SHANK2: variants seen among roughly 807,000 people sequenced by gnomAD.
The protein encoded by SHANK2 is SH3 and multiple ankyrin repeat domains protein 2.
In SHANK2, 43 loss-of-function variants were observed where a neutral mutation model predicts 133.7. The observed-to-expected ratio is 0.32, with a 90% CI of 0.25 to 0.41. The LOEUF (loss-of-function observed/expected upper bound fraction) is 0.41. Among genes scored for constraint, SHANK2 ranks in the 10% least tolerant of loss-of-function variants. The pLI is 1.00. For missense variants in SHANK2, 1,994 were observed against 2,235.8 expected, an observed-to-expected ratio of 0.89 and a Z score of 2.18; for synonymous variants, 1,017 against 952.8, an observed-to-expected ratio of 1.07 and a Z score of -1.24.
intron 21 of SHANK2, among the ~76,000 whole-genome samples, chr11:70,496,012 AG>A (rs1347574388): frequency 1.3e-5 from 2 of 152,216 alleles, no homozygotes; most frequent in Non-Finnish European, 2.9e-5. Flanking sequence ...TCAGAGGCTA[AG>A]GTGGCAGCTG....
At chr11:71,057,856 CT>C (rs1311086444) in intron 9 of SHANK2, among the ~76,000 whole-genome samples, 12 of 136,900 alleles carry the variant, frequency 8.8e-5, no homozygotes, top group Non-Finnish European at 1.2e-4. Flanking sequence ...ACCAGAGATT[CT>C]TTTTTTTTTA....
Position 71,210,226 on chromosome 11 carries a change from A to G in SHANK2, c.-13+14471T>C, listed in dbSNP as rs1482840638. On this transcript the variant is annotated intron_variant, in intron 2 of 25. Coordinates refer to ENST00000601538, the MANE Select transcript of SHANK2 (RefSeq NM_012309.5). ...AATCCACAGGTATATATATATATAT[A>G]TATATATATATATATATATATATAT... 3.6e-4 allele frequency among the ~76,000 whole-genome samples: 25 copies of G among 69,134 alleles called. 1 individual carries two copies. The East Asian group carries it at 4.6e-3, about 13-fold the overall frequency. 45.4% of individuals were successfully genotyped at this position (69,134 alleles called of 152,430 possible). A position where few individuals can be genotyped will look rare whatever the true frequency, so the allele number is the denominator to read the frequency against.
rs534154961 is a variant in SHANK2, at chr11:70,583,000, G to C, written c.2061+76828C>G. Among the ~76,000 whole-genome samples the C allele has an allele frequency of 1.4e-3, 220 of 152,322 alleles. 1 individual carries two copies. Among genetic ancestry groups the C allele is most frequent in the African/African-American group, 5.3e-3 (219 of 41,562 alleles). On this transcript the variant is annotated intron_variant, in intron 17 of 25. Transcript: ENST00000601538. ...GCTTGCAGCAGGCTCGTGGGGCCAG[G>C]GTGCTGCCCTGTGGCTGGGGGTGCA...
intron 11 of SHANK2, among the ~76,000 whole-genome samples, chr11:70,846,600 C>G (rs1949000807): frequency 6.6e-6 from 1 of 152,136 alleles, no homozygotes; most frequent in South Asian, 2.1e-4. Flanking sequence ...AAGCACAGGT[C>G]AACTGCTGGT....
At chr11:70,652,383 A>G (rs1477411661) in intron 17 of SHANK2, among the ~76,000 whole-genome samples, 1 of 152,228 alleles carries the variant, frequency 6.6e-6, no homozygotes, top group South Asian at 2.1e-4. Context: ...ACATGCTTCA[A>G]ATAATAGTGG....
intron 3 of SHANK2, among the ~76,000 whole-genome samples, chr11:71,123,465 A>G (rs1173837226): frequency 6.6e-6 from 1 of 152,206 alleles, no homozygotes; most frequent in Non-Finnish European, 1.5e-5. Context: ...ACAGAGGGAT[A>G]TGCGAGTCTG....
rs535917078 is a variant in SHANK2 at position 70,816,452 on chromosome 11, C to T, written c.1493+3912G>A. ...TTTCCCCTCCACGGCAGGGAGAGCACGCTGTCACTTATGCTTCTGATGGTA... is the reference window on the plus strand; with the variant it reads ...TTTCCCCTCCACGGCAGGGAGAGCATGCTGTCACTTATGCTTCTGATGGTA... On this transcript the variant is annotated intron_variant, in intron 12 of 25. Transcript: ENST00000601538. Among the ~76,000 whole-genome samples, 226 of 152,322 alleles carry T rather than the reference C, an allele frequency of 1.5e-3. 3 individuals carry two copies. The highest frequency in any genetic ancestry group is 4.9e-3 in the African/African-American group (205 of 41,582).
At position 70,473,140 on chromosome 11, in the gene SHANK2, C is replaced by T. The variant is rs781822283; in HGVS notation, c.5279G>A (p.Arg1760His). ...GDLFGLNPAG[R>H]SRSPSPSILQ... The stretch of plus-strand genomic sequence containing the variant: ...TATCGAGGGGGATGGCGACCTACTG[C>T]GTCCCGCTGGGTTCAAGCCAAATAG... The change falls in exon 26 of 26, where the codon CGC becomes CAC. Residue 1760 changes from arginine (R) to histidine (H), a missense_variant. This residue lies in a region of SHANK2 where 797 missense variants were observed against 907.4 expected (regional missense o/e 0.88). Coordinates refer to ENST00000601538, the MANE Select transcript of SHANK2 (RefSeq NM_012309.5). The surrounding 1 kb of genome is among the most constrained non-coding windows in gnomAD (Gnocchi z 5.9). 5.6e-6 allele frequency: 9 copies of T among 1,614,100 alleles called. No homozygotes were observed. Among genetic ancestry groups the T allele is most frequent in the South Asian group, 3.3e-5 (3 of 91,090 alleles).
rs1555094922 is a variant in SHANK2 at position 71,094,545 on chromosome 11, C to G, written c.736G>C (p.Ala246Pro). The change falls in exon 7 of 26, where the codon GCC becomes CCC. Residue 246 changes from alanine to proline, a missense_variant. This residue lies in a region of SHANK2 where 653 missense variants were observed against 563.4 expected (regional missense o/e 1.16). Transcript: ENST00000601538. ...GATGGGCCCGAGTTTACCTTCAGGG[C>G]AACTTGGTTCCTCGCTCGGGCAGCT... ...HKAARARNQV[A>P]LKTLLELGAS... is the part of the protein sequence containing the mutation. The G allele has an allele frequency of 6.4e-7, 1 of 1,550,462 alleles. No homozygotes were observed. The highest frequency in any genetic ancestry group is 8.7e-7 in the Non-Finnish European group (1 of 1,146,148).
At chr11:70,767,236 C>A (rs955896632) in intron 14 of SHANK2, among the ~76,000 whole-genome samples, 1 of 152,328 alleles carries the variant, frequency 6.6e-6, no homozygotes, top group Admixed American at 6.5e-5. Context: ...CAGGCAGCAG[C>A]CAGACTGACC....
intron 17 of SHANK2, among the ~76,000 whole-genome samples, chr11:70,546,359 T>C (rs2059696880): frequency 6.6e-6 from 1 of 152,128 alleles, no homozygotes; most frequent in Non-Finnish European, 1.5e-5. Flanking sequence ...TGGTTGGTTT[T>C]TCTGGTGACC....
At chr11:70,880,413 G>A (rs1355402429) in intron 11 of SHANK2, among the ~76,000 whole-genome samples, 1 of 152,226 alleles carries the variant, frequency 6.6e-6, no homozygotes, top group African/African-American at 2.4e-5. Context: ...GGAACACCCT[G>A]AACAGAGGAC....
intron 11 of SHANK2, among the ~76,000 whole-genome samples, chr11:70,868,992 G>A (rs1198187444): frequency 2.6e-5 from 4 of 152,210 alleles, no homozygotes; most frequent in African/African-American, 9.6e-5. Context: ...CGACTGTATA[G>A]GGAGATGGGC....
chr11:71,232,620 T>G (rs1167610095), intron 1 of SHANK2, among the ~76,000 whole-genome samples: 2 of 152,122 alleles, frequency 1.3e-5, no homozygotes, highest in African/African-American at 2.4e-5. Flanking sequence ...TTTACTACGA[T>G]CCACTTCCAC....
At chr11:71,076,198 C>G (rs960039999) in intron 8 of SHANK2, among the ~76,000 whole-genome samples, 1 of 152,132 alleles carries the variant, frequency 6.6e-6, no homozygotes, top group East Asian at 1.9e-4. Flanking sequence ...GTGGCCACAA[C>G]CTTGGACCTG....
At chr11:70,707,713 C>A (rs1945696136) in intron 14 of SHANK2, among the ~76,000 whole-genome samples, 1 of 152,186 alleles carries the variant, frequency 6.6e-6, no homozygotes, top group Non-Finnish European at 1.5e-5. Flanking sequence ...TAAATAAATC[C>A]TTTCCCCAGC....
At chr11:71,107,362 C>T (rs550674002) in intron 6 of SHANK2, among the ~76,000 whole-genome samples, 10 of 152,288 alleles carry the variant, frequency 6.6e-5, no homozygotes, top group African/African-American at 1.9e-4. Context: ...AATGCCTGTC[C>T]TTAACTATGT....
intron 2 of SHANK2, among the ~76,000 whole-genome samples, chr11:71,161,834 T>C (rs547854420): frequency 6.6e-6 from 1 of 152,374 alleles, no homozygotes; most frequent in East Asian, 1.9e-4. Context: ...AAATGGGCCT[T>C]AGTCACTCAC....
chr11:71,239,993 G>T lies in SHANK2; in HGVS notation c.-113+12432C>A, dbSNP rs60150153. ...AACACCAGGCAGTGGCCAGAAAGCC[G>T]TCTGAATATCCAAGGGTCTCCATGA... On this transcript the variant is annotated intron_variant, in intron 1 of 25. Coordinates refer to ENST00000601538, the MANE Select transcript of SHANK2 (RefSeq NM_012309.5). Among the ~76,000 whole-genome samples the T allele has an allele frequency of 4.6e-5, 7 of 152,298 alleles. No homozygotes were observed. In the South Asian group the frequency reaches 1.5e-3, roughly 32 times the overall value.
Sources: allele counts gnomAD v4.1 joint callset (sites outside exome capture counted in the v4.1 genomes callset), GRCh38; gene constraint gnomAD v4.1.1; regional missense constraint gnomAD v4.1.1; non-coding constraint Gnocchi (gnomAD v3.1); transcripts MANE v1.5; gene names NCBI Gene and HGNC (gene_info 2026-07-23, HGNC 2026-07-21).